Variants in ZNF66 observed in about 807,000 individuals in gnomAD.
ZNF66 encodes zinc finger protein 66.
ZNF66 carries 32 observed loss-of-function variants against 35.2 expected under a neutral mutation model. The ratio of observed to expected loss-of-function variants is 0.91; its 90% CI spans 0.69 to 1.22. ZNF66 has a LOEUF of 1.22. Among genes scored for constraint, ZNF66 ranks in the 50% most tolerant of loss-of-function variants. The pLI is 0.00. For synonymous variants in ZNF66, 231 were observed against 181.3 expected (o/e 1.27, Z -2.20); for missense variants, 666 against 543.1 (o/e 1.23, Z -2.25).
chr19:20,806,997 C>T lies in ZNF66; in HGVS notation c.1397C>T (p.Ser466Phe). 1.0e-6 allele frequency: 1 copy of T among 957,494 alleles called. No homozygotes were observed. The allele number at this position is 957,494 out of a possible 1,614,324, so 59.3% of individuals were successfully genotyped here. A position where few individuals can be genotyped will look rare whatever the true frequency, so the allele number is the denominator to read the frequency against. ...EDCGKAFNRS[S>F]NLTKHKKIHT... Reference sequence around the variant, plus strand: ...TGTGGCAAAGCCTTTAACCGCTCCTCTAACCTTACTAAACACAAGAAAATT... The same window carrying T: ...TGTGGCAAAGCCTTTAACCGCTCCTTTAACCTTACTAAACACAAGAAAATT... Residue 466 changes from serine to phenylalanine, a missense_variant, in exon 4 of 4, where the codon TCT becomes TTT. Ser to Phe is a radical substitution (Grantham distance 155, BLOSUM62 -2). Transcript: ENST00000344519.
In ZNF66 at chr19:20,806,893, C is replaced by T. The variant is rs780211074; in HGVS notation, c.1293C>T (p.Gly431=). The T allele has an allele frequency of 7.5e-6, 10 of 1,334,536 alleles. No individual in the cohort carries two copies. In the East Asian group the frequency reaches 1.8e-4, roughly 25 times the overall value. The allele number at this position is 1,334,536 out of a possible 1,614,324, so 82.7% of individuals were successfully genotyped here. ...AACCCTACAAATGTGAAGAATGTGG[C>T]AAAGCCTTCAGTCGGTCCTCTATTC... is the stretch of plus-strand genomic sequence containing the variant. ...GEKPYKCEEC[G]KAFSRSSILT... Residue 431 remains glycine (G), a synonymous_variant, in exon 4 of 4, where the codon GGC becomes GGT. Coordinates refer to ENST00000344519, the MANE Select transcript of ZNF66 (RefSeq NM_001355197.2).
At position 20,808,898 on chromosome 19, in the gene ZNF66, G is replaced by A. The variant is rs901676398; in HGVS notation, c.*1576G>A. On this transcript the variant is annotated 3_prime_UTR_variant, in exon 4 of 4. Transcript: ENST00000344519. ...AGGCTTCAGACGATCAAACTACTCCGAGCTACAGGAGGAAATTCAAACCAA... is the reference window on the plus strand; with the variant it reads ...AGGCTTCAGACGATCAAACTACTCCAAGCTACAGGAGGAAATTCAAACCAA... 2.0e-5 allele frequency among the ~76,000 whole-genome samples: 3 copies of A among 151,818 alleles called. No homozygotes were observed. The highest frequency in any genetic ancestry group is 4.8e-5 in the African/African-American group (2 of 41,344).
At chr19:20,779,932 A>C (rs1568493235) in intron 1 of ZNF66, among the ~76,000 whole-genome samples, 1 of 150,540 alleles carries the variant, frequency 6.6e-6, no homozygotes, top group Non-Finnish European at 1.5e-5. Flanking sequence ...CTGTCTCAAA[A>C]AAAAAAAAAA....
chr19:20,783,429 A>G (rs985041268), intron 1 of ZNF66, among the ~76,000 whole-genome samples: 3 of 152,194 alleles, frequency 2.0e-5, no homozygotes, highest in African/African-American at 7.2e-5. Context: ...ATTAACAGCT[A>G]AATAAACCTT....
intron 1 of ZNF66, among the ~76,000 whole-genome samples, chr19:20,791,570 G>A (rs1971338202): frequency 6.6e-6 from 1 of 151,278 alleles, no homozygotes; most frequent in Non-Finnish European, 1.5e-5. Context: ...ATTATTAGGA[G>A]ATACCTGCTT....
chr19:20,804,988 T>C (rs1170092225), intron 3 of ZNF66, among the ~76,000 whole-genome samples: 2 of 152,144 alleles, frequency 1.3e-5, no homozygotes, highest in Non-Finnish European at 2.9e-5. Flanking sequence ...CCTTCAGCAT[T>C]TTATGTCATG....
chr19:20,784,584 T>A (rs1971271032), intron 1 of ZNF66: 1 of 152,204 alleles, frequency 6.6e-6, no homozygotes, highest in African/African-American at 2.4e-5. Flanking sequence ...ACAATCAGAT[T>A]CTATTTCTTC....
intron 3 of ZNF66, among the ~76,000 whole-genome samples, chr19:20,801,877 C>G (rs1971451089): frequency 6.7e-6 from 1 of 148,778 alleles, no homozygotes; most frequent in South Asian, 2.1e-4. Flanking sequence ...AATCGGCCCA[C>G]CTTGGCCATC....
chr19:20,806,541 A>G lies in ZNF66; in HGVS notation c.941A>G (p.Lys314Arg), dbSNP rs1971512609. The G allele has an allele frequency of 6.5e-7, 1 of 1,541,068 alleles. No individual in the cohort carries two copies. Among genetic ancestry groups the G allele is most frequent in the Admixed American group, 1.7e-5 (1 of 59,892 alleles). The part of the protein sequence containing the change: ...KIIHTGEKPY[K>R]CEECGKAFNW... ...ATTCATACTGGAGAGAAACCCTACAAATGTGAAGAATGTGGTAAAGCCTTC... is the reference window on the plus strand; with the variant it reads ...ATTCATACTGGAGAGAAACCCTACAGATGTGAAGAATGTGGTAAAGCCTTC... Residue 314 changes from lysine to arginine, a missense_variant, in exon 4 of 4, where the codon AAA (lysine) becomes AGA (arginine). Physicochemically the swap from Lys to Arg is conservative, Grantham distance 26 (BLOSUM62 2). Transcript: ENST00000344519.
rs73926419 is a variant in ZNF66 at position 20,789,280 on chromosome 19, C to G, written c.4-3232C>G. ...GTCCCCACCCTGCCTCAGACCTGTT[C>G]AGATTCACCCTTTTTGGAGGCCTTA... On this transcript the variant is annotated intron_variant, in intron 1 of 3. Coordinates refer to ENST00000344519, the MANE Select transcript of ZNF66 (RefSeq NM_001355197.2). 6.3e-3 allele frequency among the ~76,000 whole-genome samples: 952 copies of G among 152,266 alleles called. 16 individuals carry two copies. Among genetic ancestry groups the G allele is most frequent in the African/African-American group, 0.022 (916 of 41,574 alleles).
chr19:20,782,784 A>C (rs1406704182), intron 1 of ZNF66, among the ~76,000 whole-genome samples: 1 of 151,940 alleles, frequency 6.6e-6, no homozygotes, highest in Non-Finnish European at 1.5e-5. Flanking sequence ...TGTCAGAGGC[A>C]AAGTTTGCAA....
Position 20,806,918 on chromosome 19 carries a change from CT to C in ZNF66, c.1320del (p.Thr441LeufsTer5), listed in dbSNP as rs1286720628. The C allele has an allele frequency of 8.2e-7, 1 of 1,224,400 alleles. No homozygotes were observed. The highest frequency in any genetic ancestry group is 1.5e-5 in the African/African-American group (1 of 67,512). 75.8% of individuals were successfully genotyped at this position (1,224,400 alleles called of 1,614,324 possible). ...CAAAGCCTTCAGTCGGTCCTCTATTCTTACTACACATAAGATAATTCACACT... is the reference window on the plus strand; with the variant it reads ...CAAAGCCTTCAGTCGGTCCTCTATTCTACTACACATAAGATAATTCACACT... Reference protein sequence around the residue: ...CGKAFSRSSILTTHKIIHTGE... With the variant: ...CGKAFSRSSIXTTHKIIHTGE... On this transcript the variant is annotated frameshift_variant, in exon 4 of 4. Coordinates refer to ENST00000344519, the MANE Select transcript of ZNF66 (RefSeq NM_001355197.2). LOFTEE classifies it high-confidence loss of function.
rs190681435 is a variant in ZNF66, at chr19:20,806,648, T to G, written c.1048T>G (p.Phe350Val). 9.7e-6 allele frequency: 15 copies of G among 1,541,904 alleles called. No homozygotes were observed. The highest frequency in any genetic ancestry group is 1.3e-5 in the Non-Finnish European group (15 of 1,116,158). The change falls in exon 4 of 4, where the codon TTT becomes GTT. Residue 350 changes from phenylalanine (F) to valine (V), a missense_variant. Physicochemically the swap from Phe to Val is conservative, Grantham distance 50. Transcript: ENST00000344519. ...CAAATGTGAAGAATGTGGCAAAGGC[T>G]TTAAGTACTCCTCTACCCTTACTAA... ...PYKCEECGKG[F>V]KYSSTLTKHK... is the part of the protein sequence containing the mutation.
chr19:20,806,213 G>C lies in ZNF66; in HGVS notation c.613G>C (p.Glu205Gln). 1.4e-6 allele frequency: 2 copies of C among 1,381,120 alleles called. No homozygotes were observed. Among genetic ancestry groups the C allele is most frequent in the Non-Finnish European group, 1.0e-6 (1 of 968,846 alleles). 85.6% of individuals were successfully genotyped at this position (1,381,120 alleles called of 1,614,324 possible). A position where few individuals can be genotyped will look rare whatever the true frequency, so the allele number is the denominator to read the frequency against. Residue 205 changes from glutamate to glutamine, a missense_variant, in exon 4 of 4, where the codon GAA (glutamate) becomes CAA (glutamine). Physicochemically the swap from Glu to Gln is conservative, Grantham distance 29. Transcript: ENST00000344519. Reference sequence around the variant, plus strand: ...TGGAGAGAAACCCTATAAATGTATAGAATGTGGCAAAGCCTTCAACCGGTC... The same window carrying C: ...TGGAGAGAAACCCTATAAATGTATACAATGTGGCAAAGCCTTCAACCGGTC... ...HTGEKPYKCI[E>Q]CGKAFNRSSH... is the part of the protein sequence containing the mutation.
chr19:20,807,000 A>G lies in ZNF66; in HGVS notation c.1400A>G (p.Asn467Ser), dbSNP rs772858651. ...GGCAAAGCCTTTAACCGCTCCTCTA[A>G]CCTTACTAAACACAAGAAAATTCAT... ...DCGKAFNRSSNLTKHKKIHTG... is the reference protein window; with the variant it reads ...DCGKAFNRSSSLTKHKKIHTG... The change falls in exon 4 of 4, where the codon AAC (asparagine) becomes AGC (serine). Residue 467 changes from asparagine (N) to serine (S), a missense_variant. Asn to Ser is a conservative substitution (Grantham distance 46, BLOSUM62 1). Coordinates refer to ENST00000344519, the MANE Select transcript of ZNF66 (RefSeq NM_001355197.2). 9 of 947,140 alleles carry G rather than the reference A, an allele frequency of 9.5e-6. No individual in the cohort carries two copies. Among genetic ancestry groups the G allele is most frequent in the Non-Finnish European group, 1.6e-5 (9 of 576,926 alleles). The allele number at this position is 947,140 out of a possible 1,614,324, so 58.7% of individuals were successfully genotyped here.
intron 1 of ZNF66, among the ~76,000 whole-genome samples, chr19:20,790,710 C>T (rs1971329070): frequency 6.6e-6 from 1 of 151,442 alleles, no homozygotes; most frequent in Admixed American, 6.6e-5. Flanking sequence ...TCCAGAGAAT[C>T]TTCATCTGAG....
Position 20,797,617 on chromosome 19 carries a change from G to T in ZNF66, c.226+3739G>T, listed in dbSNP as rs146680427. On this transcript the variant is annotated intron_variant, in intron 3 of 3. Transcript: ENST00000344519. ...CTTGCTCTGTCACCCAGGCTGGAGT[G>T]CATTGGCGTGATCTTGGCTCACTGT... is the stretch of plus-strand genomic sequence containing the variant. Among the ~76,000 whole-genome samples, 91 of 151,350 alleles carry T rather than the reference G, an allele frequency of 6.0e-4. No individual in the cohort carries two copies. In the East Asian group the frequency reaches 0.017, roughly 28 times the overall value.
In ZNF66 at chr19:20,807,352, T is replaced by A; in HGVS notation, c.*30T>A. The A allele has an allele frequency of 1.7e-6, 1 of 586,666 alleles. No individual in the cohort carries two copies. Among genetic ancestry groups the A allele is most frequent in the Non-Finnish European group, 3.1e-6 (1 of 326,174 alleles). 36.3% of individuals were successfully genotyped at this position (586,666 alleles called of 1,614,324 possible). ...TCCTCTACCCTTACTAGACATAAGATAATTCATACTGGAGAGAAACCCTAT... is the reference window on the plus strand; with the variant it reads ...TCCTCTACCCTTACTAGACATAAGAAAATTCATACTGGAGAGAAACCCTAT... On this transcript the variant is annotated 3_prime_UTR_variant, in exon 4 of 4. Transcript: ENST00000344519.
intron 1 of ZNF66, among the ~76,000 whole-genome samples, chr19:20,778,994 T>C (rs1286701411): frequency 1.3e-5 from 2 of 152,146 alleles, no homozygotes; most frequent in African/African-American, 4.8e-5. Context: ...TAGTTTTTTC[T>C]GGGGAGCCTC....
Sources: gnomAD v4.1 joint callset for allele counts (sites outside exome capture counted in the v4.1 genomes callset) on GRCh38, gnomAD v4.1.1 for gene constraint, MANE v1.5 for transcripts, NCBI Gene and HGNC (gene_info 2026-07-23, HGNC 2026-07-21) for gene names.